The following MYOCD variants were observed in gnomAD, a reference collection of about 807,000 sequenced individuals.
The protein encoded by MYOCD is myocardin.
Under a neutral mutation model 96.1 loss-of-function variants are expected in MYOCD, and 32 were observed. The observed-to-expected ratio is 0.33, with a 90% CI of 0.25 to 0.45. The LOEUF is 0.45. Ranked by LOEUF, MYOCD falls within the 20% of genes least tolerant of loss-of-function variation. MYOCD has a pLI of 1.00. For synonymous variants in MYOCD, 469 were observed against 469.0 expected, an observed-to-expected ratio of 1.00 and a Z score of 0.00; for missense variants, 1,133 against 1,200.6, an observed-to-expected ratio of 0.94 and a Z score of 0.83.
At chr17:12,744,617 G>A (rs1313839314) in intron 8 of MYOCD, among the ~76,000 whole-genome samples, 181 bp downstream of exon 8, 2 of 152,106 alleles carry the variant, frequency 1.3e-5, no homozygotes, top group Admixed American at 1.3e-4. Context: ...CCGTAAGACT[G>A]GGAGGAAGCA....
intron 5 of MYOCD, 101 bp downstream of exon 5, chr17:12,723,109 C>T: frequency 1.7e-6 from 2 of 1,145,452 alleles, no homozygotes; most frequent in Non-Finnish European, 2.5e-6. Flanking sequence ...GGGCCTCTCA[C>T]CAGATAAGAG....
chr17:12,675,698 A>T (rs898580623), intron 1 of MYOCD, among the ~76,000 whole-genome samples: 1 of 152,160 alleles, frequency 6.6e-6, no homozygotes, highest in Non-Finnish European at 1.5e-5. Flanking sequence ...CCCTACTAAA[A>T]ATACAAAAAA....
rs935181314 is a variant in MYOCD, at chr17:12,768,817, A to G, written c.*5173A>G. On this transcript the variant is annotated 3_prime_UTR_variant, in exon 14 of 14. Transcript: ENST00000425538. ...GGTCTCTTTGGCTCAATTGAGCATA[A>G]TCAGAAAGAAATGTGGGTTATTGGG... 6.6e-6 allele frequency: 1 copy of G among 151,984 alleles called. No individual in the cohort carries two copies. Among genetic ancestry groups the G allele is most frequent in the East Asian group, 1.9e-4 (1 of 5,182 alleles). 9.4% of individuals were successfully genotyped at this position (151,984 alleles called of 1,614,324 possible).
At chr17:12,673,993 A>G (rs1909865395) in intron 1 of MYOCD, among the ~76,000 whole-genome samples, 1 of 151,702 alleles carries the variant, frequency 6.6e-6, no homozygotes, top group South Asian at 2.1e-4. Context: ...CTATTTAGGG[A>G]CCACGTGTTA....
In MYOCD at chr17:12,687,225, TA is replaced by T. The variant is rs919624137; in HGVS notation, c.56-17895del. Among the ~76,000 whole-genome samples, 7 of 152,062 alleles carry T rather than the reference TA, an allele frequency of 4.6e-5. No individual in the cohort carries two copies. In the East Asian group the frequency reaches 1.3e-3, roughly 29 times the overall value. On this transcript the variant is annotated intron_variant, in intron 1 of 13. Coordinates refer to ENST00000425538, the MANE Select transcript of MYOCD (RefSeq NM_001146312.3). ...ACACTACACTTTCAGTAATATGTTT[TA>T]AAAAAAATTTGAAACCACCTATTTC... is the stretch of plus-strand genomic sequence containing the variant.
intron 11 of MYOCD, among the ~76,000 whole-genome samples, chr17:12,756,786 G>A (rs1238532875): frequency 1.3e-5 from 2 of 151,892 alleles, no homozygotes; most frequent in Non-Finnish European, 2.9e-5. Context: ...TTAAATGCTG[G>A]TGGGAGGGAG....
intron 1 of MYOCD, among the ~76,000 whole-genome samples, chr17:12,676,938 T>C (rs1910097977): frequency 1.3e-5 from 2 of 152,144 alleles, no homozygotes; most frequent in Admixed American, 1.3e-4. Context: ...CATTGGAAAT[T>C]TTTGAGGTTT....
At chr17:12,679,175 C>A (rs2150637550) in intron 1 of MYOCD, among the ~76,000 whole-genome samples, 1 of 152,270 alleles carries the variant, frequency 6.6e-6, no homozygotes, top group Middle Eastern at 3.4e-3. Context: ...CCTCTCTCAA[C>A]CTAACAGTCC....
chr17:12,752,702 C>A lies in MYOCD; in HGVS notation c.1414C>A (p.Pro472Thr). The change falls in exon 10 of 14, where the codon CCG becomes ACG. Residue 472 changes from proline (P) to threonine (T), a missense_variant. By Grantham distance (38) the Pro-to-Thr change is conservative (BLOSUM62 -1). Transcript: ENST00000425538. ...TGACCTGTCAGTCGCTGGGTCCCTG[C>A]CGGACACCTTCAATGATGCCTCCCC... ...SSDLSVAGSLPDTFNDASPSF... is the reference protein window; with the variant it reads ...SSDLSVAGSLTDTFNDASPSF... The A allele has an allele frequency of 1.2e-6, 2 of 1,614,188 alleles. No individual in the cohort carries two copies. The highest frequency in any genetic ancestry group is 1.7e-6 in the Non-Finnish European group (2 of 1,180,042).
intron 7 of MYOCD, among the ~76,000 whole-genome samples, chr17:12,741,735 C>A (rs1224433326): frequency 2.0e-5 from 3 of 151,146 alleles, no homozygotes; most frequent in East Asian, 3.9e-4. Context: ...AAAAAATTAG[C>A]AAAGCCTTCA....
intron 9 of MYOCD, among the ~76,000 whole-genome samples, chr17:12,748,298 A>G (rs12452810): frequency 0.034 from 5,232 of 152,194 alleles, 210 homozygotes; most frequent in East Asian, 0.19. Context: ...TGATAATGTT[A>G]TTATATTATG....
At chr17:12,757,285 C>CT (rs2033039558) in intron 11 of MYOCD, among the ~76,000 whole-genome samples, 1 of 152,080 alleles carries the variant, frequency 6.6e-6, no homozygotes, top group Admixed American at 6.6e-5. Flanking sequence ...CAAGATAAGC[C>CT]TGACATAAAA....
intron 2 of MYOCD, among the ~76,000 whole-genome samples, chr17:12,709,974 T>C (rs370464840): frequency 1.3e-5 from 2 of 152,190 alleles, no homozygotes; most frequent in Non-Finnish European, 2.9e-5. Context: ...CTCAATAAAC[T>C]GGTCATAGAG....
Position 12,749,709 on chromosome 17 carries a change from G to GTATACATATACATATATGTA in MYOCD, c.1126-2701_1126-2700insCATATACATATATGTATATA, listed in dbSNP as rs1555535135. Among the ~76,000 whole-genome samples the GTATACATATACATATATGTA allele has an allele frequency of 2.9e-5, 4 of 139,224 alleles. No homozygotes were observed. In the East Asian group the frequency reaches 9.6e-4, roughly 33 times the overall value. The allele number at this position is 139,224 out of a possible 152,430, so 91.3% of individuals were successfully genotyped here. A position where few individuals can be genotyped will look rare whatever the true frequency, so the allele number is the denominator to read the frequency against. The stretch of plus-strand genomic sequence containing the variant: ...TATGTGTATATATGTATACATATGT[G>GTATACATATACATATATGTA]TATATATATGTGTGTGTGTATATAT... On this transcript the variant is annotated intron_variant, in intron 9 of 13. Coordinates refer to ENST00000425538, the MANE Select transcript of MYOCD (RefSeq NM_001146312.3).
At chr17:12,721,415 G>A (rs1040170400) in intron 4 of MYOCD, among the ~76,000 whole-genome samples, 1 of 152,206 alleles carries the variant, frequency 6.6e-6, no homozygotes, top group Non-Finnish European at 1.5e-5. Context: ...GCTAGAGGCA[G>A]TCAAAGCGAA....
rs2033373544 is a variant in MYOCD at position 12,767,574 on chromosome 17, C to G, written c.*3930C>G. 6.6e-6 allele frequency: 1 copy of G among 152,064 alleles called. No homozygotes were observed. The highest frequency in any genetic ancestry group is 2.1e-4 in the South Asian group (1 of 4,822). The allele number at this position is 152,064 out of a possible 1,614,324, so 9.4% of individuals were successfully genotyped here. Reference sequence around the variant, plus strand: ...GCACATGCAAGAACACTAAGAATCTCCCAGTCCTCAAACTAGAAACCTTTC... The same window carrying G: ...GCACATGCAAGAACACTAAGAATCTGCCAGTCCTCAAACTAGAAACCTTTC... On this transcript the variant is annotated 3_prime_UTR_variant, in exon 14 of 14. Coordinates refer to ENST00000425538, the MANE Select transcript of MYOCD (RefSeq NM_001146312.3).
chr17:12,692,630 C>T (rs1239589130), intron 1 of MYOCD, among the ~76,000 whole-genome samples: 1 of 152,156 alleles, frequency 6.6e-6, no homozygotes, highest in Non-Finnish European at 1.5e-5. Flanking sequence ...CAGCAGCGGG[C>T]ATGTGGCAGA....
chr17:12,710,143 T>A (rs1665533208), intron 2 of MYOCD, among the ~76,000 whole-genome samples: 1 of 152,050 alleles, frequency 6.6e-6, no homozygotes, highest in Admixed American at 6.6e-5. Flanking sequence ...TTGGACAACC[T>A]CACACCACTA....
chr17:12,732,763 GC>G (rs1414766780), intron 5 of MYOCD, among the ~76,000 whole-genome samples: 3 of 152,160 alleles, frequency 2.0e-5, no homozygotes, highest in Non-Finnish European at 4.4e-5. Flanking sequence ...TCATTCTTGT[GC>G]TTCGACCTGG....
Sources: gnomAD v4.1 joint callset for allele counts (sites outside exome capture counted in the v4.1 genomes callset) on GRCh38, gnomAD v4.1.1 for gene constraint, MANE v1.5 for transcripts, NCBI Gene and HGNC (gene_info 2026-07-23, HGNC 2026-07-21) for gene names.